BCKDHB: variants seen among roughly 807,000 people sequenced by gnomAD.
BCKDHB encodes the protein branched chain keto acid dehydrogenase E1 subunit beta.
Under a neutral mutation model 48.5 loss-of-function variants are expected in BCKDHB, and 41 were observed. That is an observed-to-expected ratio of 0.85 (90% CI 0.66 to 1.10). BCKDHB has a LOEUF of 1.10. Ranked by LOEUF, BCKDHB falls within the 50% of genes least tolerant of loss-of-function variation. The pLI is 0.00. For synonymous variants in BCKDHB, 201 were observed against 174.8 expected (o/e 1.15, Z -1.18); for missense variants, 496 against 494.2 (o/e 1.00, Z -0.03).
intron 3 of BCKDHB, among the ~76,000 whole-genome samples, chr6:80,148,728 C>T (rs1442520180): frequency 6.6e-6 from 1 of 152,164 alleles, no homozygotes; most frequent in East Asian, 1.9e-4. Flanking sequence ...AAACAATTCC[C>T]TATTTAATAA....
the BCKDHB span, among the ~76,000 whole-genome samples, chr6:80,393,054 A>G: frequency 6.6e-6 from 1 of 151,928 alleles, no homozygotes; most frequent in East Asian, 1.9e-4. Context: ...GTTTTTTCAT[A>G]ATTTTTTCAT....
chr6:80,169,779 A>G, intron 5 of BCKDHB: 1 of 1,585,074 alleles, frequency 6.3e-7, no homozygotes, highest in Non-Finnish European at 8.6e-7. Flanking sequence ...TCTATGTTTT[A>G]TTCTTTTTTT....
intron 6 of BCKDHB, among the ~76,000 whole-genome samples, chr6:80,190,932 A>G (rs1410639165): frequency 6.6e-6 from 1 of 152,136 alleles, no homozygotes; most frequent in Non-Finnish European, 1.5e-5. Flanking sequence ...CCGTTGTTCC[A>G]CAGTGTAGAT....
chr6:80,165,092 AT>A (rs1772506010), intron 3 of BCKDHB, among the ~76,000 whole-genome samples: 1 of 152,170 alleles, frequency 6.6e-6, no homozygotes, highest in South Asian at 2.1e-4. Flanking sequence ...ACAAGGCTAT[AT>A]TTCTTACCGA....
intron 9 of BCKDHB, among the ~76,000 whole-genome samples, chr6:80,296,670 C>T (rs898484303): frequency 2.6e-5 from 4 of 151,750 alleles, no homozygotes; most frequent in Admixed American, 6.6e-5. Context: ...TTTTAATGAG[C>T]AGATCAGTGC....
rs1334148721 is a variant in BCKDHB, at chr6:80,200,981, G to GA, written c.792dup (p.Val265SerfsTer7). ...ATACAACATCCCACTGTCCCAGGCC[G>GA]AAGTCATACAGGAAGGGAGTGATGT... On this transcript the variant is annotated frameshift_variant, in exon 7 of 10. Transcript: ENST00000320393. LOFTEE classifies it high-confidence loss of function. The GA allele has an allele frequency of 1.2e-6, 2 of 1,612,814 alleles. No homozygotes were observed. Among genetic ancestry groups the GA allele is most frequent in the Non-Finnish European group, 1.7e-6 (2 of 1,179,312 alleles).
intron 3 of BCKDHB, among the ~76,000 whole-genome samples, chr6:80,154,547 A>G (rs150279996): frequency 6.6e-6 from 1 of 152,226 alleles, no homozygotes; most frequent in African/African-American, 2.4e-5. Context: ...TTTCATTCCA[A>G]TGTTCCATAT....
chr6:80,200,995 A>G lies in BCKDHB; in HGVS notation c.804A>G (p.Glu268=), dbSNP rs769220378. 36 of 1,613,084 alleles carry G rather than the reference A, an allele frequency of 2.2e-5. No individual in the cohort carries two copies. Among genetic ancestry groups the G allele is most frequent in the Non-Finnish European group, 3.1e-5 (36 of 1,179,198 alleles). ...IPLSQAEVIQ[E]GSDVTLVAWG... is the part of the protein sequence containing the mutation. Reference sequence around the variant, plus strand: ...TGTCCCAGGCCGAAGTCATACAGGAAGGGAGTGATGTTACTCTAGTTGCCT... The same window carrying G: ...TGTCCCAGGCCGAAGTCATACAGGAGGGGAGTGATGTTACTCTAGTTGCCT... Residue 268 remains glutamate (E), a synonymous_variant, in exon 7 of 10, where the codon GAA becomes GAG. Transcript: ENST00000320393.
At chr6:80,285,423 C>A (rs1229648210) in intron 9 of BCKDHB, among the ~76,000 whole-genome samples, 1 of 152,096 alleles carries the variant, frequency 6.6e-6, no homozygotes, top group African/African-American at 2.4e-5. Context: ...AACCCGTGTA[C>A]TTTATAAAAA....
At chr6:80,195,785 G>A (rs1170343359) in intron 6 of BCKDHB, among the ~76,000 whole-genome samples, 1 of 152,128 alleles carries the variant, frequency 6.6e-6, no homozygotes, top group Non-Finnish European at 1.5e-5. Flanking sequence ...TGGTTGGGTA[G>A]ATTTACGCCC....
intron 6 of BCKDHB, among the ~76,000 whole-genome samples, chr6:80,194,760 A>G (rs1167662237): frequency 6.6e-6 from 1 of 152,228 alleles, no homozygotes; most frequent in Non-Finnish European, 1.5e-5. Flanking sequence ...CCCCACTGCT[A>G]AGAATGCCAG....
intron 6 of BCKDHB, among the ~76,000 whole-genome samples, chr6:80,179,980 T>C (rs990846969): frequency 6.6e-6 from 1 of 152,150 alleles, no homozygotes; most frequent in Admixed American, 6.5e-5. Context: ...GACTCCATCA[T>C]TTCTGGGCCT....
At chr6:80,118,450 G>A (rs1478515017) in intron 1 of BCKDHB, among the ~76,000 whole-genome samples, 1 of 151,986 alleles carries the variant, frequency 6.6e-6, no homozygotes, top group Non-Finnish European at 1.5e-5. Context: ...GGAGGGTCTT[G>A]CCTTGATGTT....
intron 8 of BCKDHB, among the ~76,000 whole-genome samples, chr6:80,260,287 A>G (rs932226649): frequency 6.6e-6 from 1 of 152,118 alleles, no homozygotes; most frequent in Admixed American, 6.6e-5. Context: ...AGAAAACTGT[A>G]TTTTGGGTAA....
In BCKDHB at chr6:80,106,679, C is replaced by G. The variant is rs747088249; in HGVS notation, c.-15C>G. ...GTGCGGCTGCATAGCCTGAGAATCC[C>G]GGTGGTGAGCGGGGATGGCGGTTGT... On this transcript the variant is annotated 5_prime_UTR_variant, in exon 1 of 10. Transcript: ENST00000320393. 7.7e-6 allele frequency: 12 copies of G among 1,550,386 alleles called. No homozygotes were observed. The highest frequency in any genetic ancestry group is 3.6e-5 in the South Asian group (3 of 84,128).
At chr6:80,271,147 A>C (rs584372) in intron 8 of BCKDHB, among the ~76,000 whole-genome samples, 139,434 of 152,144 alleles carry the variant, frequency 0.92, 63,979 homozygotes, top group East Asian at 0.99. Flanking sequence ...TGAAAAGATA[A>C]GTTGCTTGGT....
At chr6:80,332,954 G>A (rs1769393457) in intron 9 of BCKDHB, among the ~76,000 whole-genome samples, 2 of 151,198 alleles carry the variant, frequency 1.3e-5, no homozygotes, top group African/African-American at 2.4e-5. Flanking sequence ...AAATTCGTAC[G>A]GAACCTACTG....
intron 8 of BCKDHB, among the ~76,000 whole-genome samples, chr6:80,208,686 C>G (rs1052098737): frequency 2.0e-5 from 3 of 151,672 alleles, no homozygotes; most frequent in Non-Finnish European, 4.4e-5. Flanking sequence ...GTAAAGTTGA[C>G]AATTTTCTGG....
At chr6:80,457,703 T>G in the BCKDHB span, among the ~76,000 whole-genome samples, 2 of 152,172 alleles carry the variant, frequency 1.3e-5, no homozygotes, top group African/African-American at 4.8e-5. Flanking sequence ...TACCGGGAAG[T>G]CAGACAAAGA....
Sources: gnomAD v4.1 joint callset for allele counts (sites outside exome capture counted in the v4.1 genomes callset) on GRCh38, gnomAD v4.1.1 for gene constraint, MANE v1.5 for transcripts, NCBI Gene and HGNC (gene_info 2026-07-23, HGNC 2026-07-21) for gene names.